The following ANO3 variants were observed in gnomAD, a reference collection of about 807,000 sequenced individuals.
The protein encoded by ANO3 is anoctamin 3.
In ANO3, 99 loss-of-function variants were observed where a neutral mutation model predicts 144.8. That is an observed-to-expected ratio of 0.68 (90% confidence interval 0.58 to 0.81). The LOEUF is 0.81. ANO3 is among the 30% of genes least tolerant of loss of function. The pLI is 0.00. For missense variants in ANO3, 905 were observed against 1,202.2 expected (o/e 0.75, Z 3.66); for synonymous variants, 414 against 392.6 (o/e 1.05, Z -0.64).
At chr11:26,597,896 C>A (rs905870213) in intron 14 of ANO3, among the ~76,000 whole-genome samples, 4 of 152,126 alleles carry the variant, frequency 2.6e-5, no homozygotes, top group Non-Finnish European at 5.9e-5. Flanking sequence ...TTGGGAGTTT[C>A]TTCTCTTGTC....
intron 1 of ANO3, among the ~76,000 whole-genome samples, chr11:26,271,892 C>T (rs766439128): frequency 4.8e-4 from 73 of 152,154 alleles, no homozygotes; most frequent in Non-Finnish European, 9.1e-4. Flanking sequence ...TGTGAACATG[C>T]TTCCAAGGTG....
At chr11:26,597,149 A>G (rs183272981) in intron 14 of ANO3, among the ~76,000 whole-genome samples, 49 of 152,270 alleles carry the variant, frequency 3.2e-4, no homozygotes, top group Non-Finnish European at 1.2e-4. Context: ...CGGGCCACCA[A>G]ATGTTACCGG....
At chr11:26,485,464 G>A (rs1565053999) in intron 4 of ANO3, among the ~76,000 whole-genome samples, 1 of 152,036 alleles carries the variant, frequency 6.6e-6, no homozygotes, top group Non-Finnish European at 1.5e-5. Context: ...CTCCATGACT[G>A]TTAAGATTCC....
intron 24 of ANO3, among the ~76,000 whole-genome samples, chr11:26,652,534 C>T (rs1853565832): frequency 6.6e-6 from 1 of 152,158 alleles, no homozygotes; most frequent in African/African-American, 2.4e-5. Context: ...TCTTCTTTCC[C>T]TATCTGAAAC....
At chr11:26,528,282 C>T (rs1849216754) in intron 7 of ANO3, among the ~76,000 whole-genome samples, 1 of 151,984 alleles carries the variant, frequency 6.6e-6, no homozygotes, top group Non-Finnish European at 1.5e-5. Context: ...AGAAGCAAAA[C>T]TTAGTGAGGG....
intron 1 of ANO3, among the ~76,000 whole-genome samples, chr11:26,223,404 T>C (rs1179279324): frequency 6.6e-6 from 1 of 152,074 alleles, no homozygotes; most frequent in African/African-American, 2.4e-5. Flanking sequence ...ATCAGCATTT[T>C]GGTCACAACC....
rs751626093 is a variant in ANO3, at chr11:26,553,324, C to T, written c.1365C>T (p.Asn455=). Reference sequence around the variant, plus strand: ...AGAACTGCTCCCTGCAGAGACTCAACGACAGCTGTATCTATGCCAAGGTGA... The same window carrying T: ...AGAACTGCTCCCTGCAGAGACTCAATGACAGCTGTATCTATGCCAAGGTGA... ...CDKNCSLQRL[N]DSCIYAKVTY... The change falls in exon 13 of 27, where the codon AAC becomes AAT. Residue 455 remains asparagine, a synonymous_variant. Coordinates refer to ENST00000256737, the MANE Select transcript of ANO3 (RefSeq NM_031418.4). 20 of 1,600,696 alleles carry T rather than the reference C, an allele frequency of 1.2e-5. No homozygotes were observed. The highest frequency in any genetic ancestry group is 1.7e-4 in the Middle Eastern group (1 of 5,996).
At chr11:26,565,022 G>T (rs1181187796) in intron 14 of ANO3, 1 of 752,922 alleles carries the variant, frequency 1.3e-6, no homozygotes, top group Non-Finnish European at 2.0e-6. Context: ...TGACTATAAT[G>T]ATCATCCCTC....
At chr11:26,544,273 T>TATATATATATATATACACAC in intron 11 of ANO3, among the ~76,000 whole-genome samples, 15 of 58,560 alleles carry the variant, frequency 2.6e-4, no homozygotes, top group East Asian at 1.2e-3. Context: ...TATATATATA[T>TATATATATATATATACACAC]ACACACATAC....
chr11:26,267,775 C>T (rs1853346928), intron 1 of ANO3, among the ~76,000 whole-genome samples: 2 of 152,136 alleles, frequency 1.3e-5, no homozygotes, highest in Non-Finnish European at 2.9e-5. Flanking sequence ...CACTTATTTA[C>T]ATAATATTCC....
At chr11:26,549,468 C>G (rs1178555637) in intron 12 of ANO3, among the ~76,000 whole-genome samples, 1 of 151,828 alleles carries the variant, frequency 6.6e-6, no homozygotes, top group African/African-American at 2.4e-5. Context: ...TGTGGACTTA[C>G]GTTAGCATAA....
chr11:26,238,370 T>C (rs1167355035), intron 1 of ANO3, among the ~76,000 whole-genome samples: 1 of 152,124 alleles, frequency 6.6e-6, no homozygotes, highest in Non-Finnish European at 1.5e-5. Context: ...TTGAAATATG[T>C]TCAAAATTTG....
chr11:26,305,962 T>C (rs1854369762), upstream of ANO3, among the ~76,000 whole-genome samples: 1 of 152,128 alleles, frequency 6.6e-6, no homozygotes, highest in South Asian at 2.1e-4. Flanking sequence ...TTATTCTTCC[T>C]ATTCTTCTTA....
intron 23 of ANO3, among the ~76,000 whole-genome samples, chr11:26,643,774 A>G (rs752490538): frequency 7.9e-5 from 12 of 152,198 alleles, no homozygotes; most frequent in Middle Eastern, 3.4e-3. Flanking sequence ...GAATGGGATT[A>G]GGACTCTTAC....
At chr11:26,467,028 TA>T (rs1031692477) in intron 4 of ANO3, among the ~76,000 whole-genome samples, 1 of 151,966 alleles carries the variant, frequency 6.6e-6, no homozygotes, top group East Asian at 1.9e-4. Context: ...TTGTTTTTTT[TA>T]AAAACTCTAT....
chr11:26,369,243 G>A (rs1856181129), intron 1 of ANO3, among the ~76,000 whole-genome samples: 3 of 152,116 alleles, frequency 2.0e-5, no homozygotes, highest in Non-Finnish European at 4.4e-5. Context: ...CTGCATTTCT[G>A]AAATTCTTAT....
rs71047867 is a variant in ANO3 at position 26,563,395 on chromosome 11, CTGTGTGTGTGTG to C, written c.1447+3642_1447+3653del. On this transcript the variant is annotated intron_variant, in intron 14 of 26. Transcript: ENST00000256737. ...ATTAGATAATGGTGTGTTTCTCTCT[CTGTGTGTGTGTG>C]TGTGTGTGTGTGTGTGTGTGTGTGT... The C allele has an allele frequency of 2.5e-3, 1,351 of 536,638 alleles. 2 individuals carry two copies. Among genetic ancestry groups the C allele is most frequent in the African/African-American group, 5.6e-3 (276 of 49,568 alleles). 33.2% of individuals were successfully genotyped at this position (536,638 alleles called of 1,614,324 possible).
At chr11:26,329,284 C>G (rs2133885473), upstream of ANO3, among the ~76,000 whole-genome samples, 1 of 144,260 alleles carries the variant, frequency 6.9e-6, no homozygotes, top group Middle Eastern at 3.5e-3. Context: ...CCAAAACGTA[C>G]TTTCTTTCTT....
intron 1 of ANO3, among the ~76,000 whole-genome samples, chr11:26,418,089 A>G (rs539845010): frequency 6.6e-6 from 1 of 152,264 alleles, no homozygotes; most frequent in East Asian, 1.9e-4. Flanking sequence ...CTATGTTCAA[A>G]AAAGATGTAT....
Sources: allele counts gnomAD v4.1 joint callset (sites outside exome capture counted in the v4.1 genomes callset), GRCh38; gene constraint gnomAD v4.1.1; transcripts MANE v1.5; gene names NCBI Gene and HGNC (gene_info 2026-07-23, HGNC 2026-07-21).